AFF2: variants seen among roughly 807,000 people sequenced by gnomAD.
AFF2 encodes ALF transcription elongation factor 2.
AFF2 carries 14 observed loss-of-function variants against 76.9 expected under a neutral mutation model. That is an observed-to-expected ratio of 0.18 (90% CI 0.12 to 0.28). AFF2 has a LOEUF of 0.28. Among genes scored for constraint, AFF2 ranks in the 10% least tolerant of loss-of-function variants. AFF2 has a pLI of 1.00. For missense variants in AFF2, 868 were observed against 1,001.1 expected (o/e 0.87, Z 1.79); for synonymous variants, 398 against 366.7 (o/e 1.09, Z -0.98).
At chrX:148,588,193 A>G (rs1030497169) in intron 1 of AFF2, among the ~76,000 whole-genome samples, 1 of 113,109 alleles carries the variant, frequency 8.8e-6, no homozygotes. Flanking sequence ...GTCAACGTTA[A>G]TCCAGAATTG....
intron 1 of AFF2, among the ~76,000 whole-genome samples, chrX:148,606,219 G>T: frequency 8.9e-6 from 1 of 111,984 alleles, no homozygotes; most frequent in Middle Eastern, 4.7e-3. Context: ...GATGAAGAAA[G>T]ATGAGGAATT....
chrX:148,979,018 A>AATC (rs2072360674), intron 18 of AFF2, among the ~76,000 whole-genome samples: 1 of 111,833 alleles, frequency 8.9e-6, no homozygotes, highest in African/African-American at 3.3e-5. Context: ...AAATATAGGC[A>AATC]ATCTCAAAAT....
At chrX:148,977,153 C>T (rs968200163) in intron 16 of AFF2, among the ~76,000 whole-genome samples, 1 of 111,965 alleles carries the variant, frequency 8.9e-6, no homozygotes, top group East Asian at 2.8e-4. Flanking sequence ...TGTGAAATTG[C>T]ATTAAAGCTC....
intron 3 of AFF2, among the ~76,000 whole-genome samples, chrX:148,761,536 A>T: frequency 9.6e-6 from 1 of 103,948 alleles, no homozygotes; most frequent in African/African-American, 3.6e-5. Flanking sequence ...AATCCAGTCT[A>T]CCTTGATTTT....
chrX:148,882,764 T>G (rs782687396), intron 7 of AFF2, among the ~76,000 whole-genome samples: 2 of 112,105 alleles, frequency 1.8e-5, no homozygotes, highest in African/African-American at 6.5e-5. Flanking sequence ...ATGTTCAGCA[T>G]TAGCCAAGGA....
chrX:148,846,756 G>C (rs1279618059), intron 7 of AFF2, among the ~76,000 whole-genome samples: 1 of 111,628 alleles, frequency 9.0e-6, no homozygotes, highest in East Asian at 2.8e-4. Context: ...TGAAATTGTA[G>C]TTCTCAGGGC....
intron 3 of AFF2, among the ~76,000 whole-genome samples, chrX:148,701,284 C>T (rs782226298): frequency 3.6e-5 from 4 of 111,337 alleles, no homozygotes; most frequent in Non-Finnish European, 5.6e-5. Context: ...GGAAAATGTT[C>T]GACCCATCTC....
chrX:148,557,891 C>T (rs1557239898), intron 1 of AFF2, among the ~76,000 whole-genome samples: 1 of 112,003 alleles, frequency 8.9e-6, no homozygotes, highest in African/African-American at 3.2e-5. Flanking sequence ...GAGACCCATC[C>T]TTTCAAATGG....
chrX:148,861,676 A>G (rs1247181773), intron 7 of AFF2, among the ~76,000 whole-genome samples: 2 of 111,361 alleles, frequency 1.8e-5, no homozygotes, highest in Admixed American at 1.9e-4. Flanking sequence ...TAACTACACC[A>G]TTATAGAGTT....
intron 1 of AFF2, among the ~76,000 whole-genome samples, chrX:148,580,924 C>A (rs1266466655): frequency 3.0e-5 from 2 of 66,577 alleles, no homozygotes; most frequent in Admixed American, 2.3e-4. Context: ...TTCTCATATC[C>A]CTATTACCCA....
intron 1 of AFF2, among the ~76,000 whole-genome samples, chrX:148,544,307 C>A (rs2124272915): frequency 8.9e-6 from 1 of 112,746 alleles, no homozygotes; most frequent in African/African-American, 3.2e-5. Context: ...CACAAGACAT[C>A]TTTCCTATAT....
chrX:148,648,598 A>C (rs2054170962), intron 1 of AFF2, among the ~76,000 whole-genome samples: 1 of 108,681 alleles, frequency 9.2e-6, no homozygotes, highest in Non-Finnish European at 1.9e-5. Flanking sequence ...AAAGAAAAAA[A>C]ATCCTATGAT....
intron 9 of AFF2, among the ~76,000 whole-genome samples, chrX:148,931,253 CAAAAAAAA>C (rs782537927): frequency 0.021 from 921 of 43,761 alleles, 19 homozygotes; most frequent in African/African-American, 0.08. Flanking sequence ...GACTCTGTCT[CAAAAAAAA>C]AAAAAAAAAA....
At chrX:148,763,065 T>C (rs1729400531) in intron 3 of AFF2, among the ~76,000 whole-genome samples, 1 of 112,342 alleles carries the variant, frequency 8.9e-6, no homozygotes, top group African/African-American at 3.2e-5. Flanking sequence ...AAATATACCA[T>C]GTCCCTTCTC....
At chrX:148,560,305 C>T (rs1211046625) in intron 1 of AFF2, among the ~76,000 whole-genome samples, 1 of 111,225 alleles carries the variant, frequency 9.0e-6, no homozygotes, top group African/African-American at 3.3e-5. Context: ...GAAAGGATTC[C>T]CTGTTGGAAA....
intron 3 of AFF2, among the ~76,000 whole-genome samples, chrX:148,664,209 C>T (rs1162768442): frequency 8.9e-6 from 1 of 111,974 alleles, no homozygotes; most frequent in Non-Finnish European, 1.9e-5. Context: ...ACCTTCTCAT[C>T]ACTTCCAGGG....
At chrX:148,966,701 TC>T in intron 13 of AFF2, 88 bp from the exon 14 acceptor site, 1 of 1,139,937 alleles carries the variant, frequency 8.8e-7, no homozygotes, top group Non-Finnish European at 1.2e-6. Context: ...TTGCCTTCTT[TC>T]GTAACGTGCT....
At chrX:148,785,344 G>A (rs1384622723) in intron 3 of AFF2, among the ~76,000 whole-genome samples, 1 of 111,802 alleles carries the variant, frequency 8.9e-6, no homozygotes. Context: ...TGCAGCCTGG[G>A]AGGTGAAATT....
intron 9 of AFF2, among the ~76,000 whole-genome samples, chrX:148,937,522 C>G (rs1378198363): frequency 8.9e-6 from 1 of 112,208 alleles, no homozygotes; most frequent in Non-Finnish European, 1.9e-5. Context: ...AAATTGTCAT[C>G]GAAAGGATAG....
Sources: gnomAD v4.1 joint callset for allele counts (sites outside exome capture counted in the v4.1 genomes callset) on GRCh38, gnomAD v4.1.1 for gene constraint, MANE v1.5 for transcripts, NCBI Gene and HGNC (gene_info 2026-07-23, HGNC 2026-07-21) for gene names.